The following JARID2 variants were observed in gnomAD, a reference collection of about 807,000 sequenced individuals.
JARID2 encodes jumonji and AT-rich interaction domain containing 2, also known as protein Jumonji.
JARID2 carries 21 observed loss-of-function variants against 125.6 expected under a neutral mutation model. The ratio of observed to expected loss-of-function variants is 0.17; its 90% CI spans 0.12 to 0.24. JARID2 has a LOEUF of 0.24. Ranked by LOEUF, JARID2 falls within the 10% of genes least tolerant of loss-of-function variation. The pLI, the probability that JARID2 is intolerant of heterozygous loss-of-function variation, is 1.00. For missense variants in JARID2, 1,303 were observed against 1,639.6 expected, an observed-to-expected ratio of 0.79 and a Z score of 3.55; for synonymous variants, 736 against 661.6, an observed-to-expected ratio of 1.11 and a Z score of -1.73.
At chr6:15,326,467 A>C (rs1762537447) in intron 1 of JARID2, among the ~76,000 whole-genome samples, 1 of 152,190 alleles carries the variant, frequency 6.6e-6, no homozygotes, top group Non-Finnish European at 1.5e-5. Context: ...CTGAGGTTAC[A>C]GGAGTGAGCC....
chr6:15,402,933 G>A (rs1765494845), intron 2 of JARID2, among the ~76,000 whole-genome samples: 1 of 152,180 alleles, frequency 6.6e-6, no homozygotes, highest in Non-Finnish European at 1.5e-5. Context: ...CTGGGATAGA[G>A]TAGTCATGGG....
At chr6:15,318,566 A>T (rs1762252602) in intron 1 of JARID2, among the ~76,000 whole-genome samples, 2 of 152,214 alleles carry the variant, frequency 1.3e-5, no homozygotes, top group South Asian at 4.1e-4. Flanking sequence ...GTGAGTGAGC[A>T]GGCTGGGAAC....
chr6:15,428,032 C>G (rs1229300340), intron 3 of JARID2, among the ~76,000 whole-genome samples: 6 of 152,150 alleles, frequency 3.9e-5, no homozygotes, highest in Non-Finnish European at 8.8e-5. Flanking sequence ...TGTTCCCTCA[C>G]TGCCTCCCTC....
intron 1 of JARID2, among the ~76,000 whole-genome samples, chr6:15,319,458 T>C (rs931646037): frequency 9.2e-5 from 14 of 152,184 alleles, no homozygotes; most frequent in Admixed American, 2.6e-4. Context: ...AGTCCAGTGG[T>C]GTGATCTCAG....
At chr6:15,345,867 C>G (rs181135848) in intron 1 of JARID2, among the ~76,000 whole-genome samples, 2 of 152,280 alleles carry the variant, frequency 1.3e-5, no homozygotes, top group East Asian at 1.9e-4. Flanking sequence ...ACTGATGAAG[C>G]CTTGGGAAGG....
rs186778070 is a variant in JARID2, at chr6:15,331,769, G to A, written c.46-42348G>A. On this transcript the variant is annotated intron_variant, in intron 1 of 17. Coordinates refer to ENST00000341776, the MANE Select transcript of JARID2 (RefSeq NM_004973.4). ...CAGGAGGTGGAGGTTGCAGTGAGCC[G>A]AGATTGTGCCATTGCACTCCAGCCT... Among the ~76,000 whole-genome samples the A allele has an allele frequency of 9.2e-3, 1,396 of 151,780 alleles. 12 individuals carry two copies. The highest frequency in any genetic ancestry group is 0.024 in the Middle Eastern group (7 of 290).
intron 5 of JARID2, among the ~76,000 whole-genome samples, chr6:15,485,022 G>C (rs1769799337): frequency 6.6e-6 from 1 of 152,182 alleles, no homozygotes; most frequent in South Asian, 2.1e-4. Flanking sequence ...TTGAAAGCTA[G>C]CACAGATACT....
At chr6:15,495,429 C>T (rs1282488032) in intron 6 of JARID2, among the ~76,000 whole-genome samples, 4 of 152,116 alleles carry the variant, frequency 2.6e-5, no homozygotes, top group African/African-American at 4.8e-5. Flanking sequence ...ACAGTGAGGT[C>T]GGGGCATCCC....
chr6:15,353,660 T>A (rs927976996), intron 1 of JARID2, among the ~76,000 whole-genome samples: 5 of 152,196 alleles, frequency 3.3e-5, no homozygotes, highest in African/African-American at 1.2e-4. Flanking sequence ...CATGTTTCTC[T>A]TTATTGAGAA....
At chr6:15,394,633 C>T (rs1435842032) in intron 2 of JARID2, among the ~76,000 whole-genome samples, 2 of 152,156 alleles carry the variant, frequency 1.3e-5, no homozygotes, top group Non-Finnish European at 2.9e-5. Flanking sequence ...ACTAAATCTT[C>T]TTCTTGAAGA....
At chr6:15,478,845 C>T (rs573626412) in intron 5 of JARID2, among the ~76,000 whole-genome samples, 3 of 151,932 alleles carry the variant, frequency 2.0e-5, no homozygotes, top group Admixed American at 2.0e-4. Context: ...AATTTTTCTA[C>T]TTTTAGTAGA....
intron 2 of JARID2, among the ~76,000 whole-genome samples, chr6:15,390,262 T>A (rs1292301141): frequency 6.6e-6 from 1 of 152,208 alleles, no homozygotes; most frequent in Non-Finnish European, 1.5e-5. Flanking sequence ...CTGAGCTGTC[T>A]GACTGCAGAG....
In JARID2 at chr6:15,424,800, G is replaced by A. The variant is rs181807499; in HGVS notation, c.323+14435G>A. On this transcript the variant is annotated intron_variant, in intron 3 of 17. Coordinates refer to ENST00000341776, the MANE Select transcript of JARID2 (RefSeq NM_004973.4). ...CTTGAACCAAGGAGGCGGAGGTTGCGGTGAGCTGAGATCGTGCCATTGCAC... is the reference window on the plus strand; with the variant it reads ...CTTGAACCAAGGAGGCGGAGGTTGCAGTGAGCTGAGATCGTGCCATTGCAC... Among the ~76,000 whole-genome samples the A allele has an allele frequency of 6.3e-3, 953 of 152,166 alleles. 22 individuals carry two copies. Among genetic ancestry groups the A allele is most frequent in the Non-Finnish European group, 3.2e-3 (217 of 68,000 alleles).
chr6:15,486,259 G>A (rs1036938668), intron 5 of JARID2, among the ~76,000 whole-genome samples: 7 of 152,218 alleles, frequency 4.6e-5, no homozygotes, highest in Admixed American at 2.6e-4. Flanking sequence ...TGAAAGTCTC[G>A]TTTATTCCAT....
rs543636683 is a variant in JARID2, at chr6:15,359,445, G to A, written c.46-14672G>A. 8.3e-4 allele frequency among the ~76,000 whole-genome samples: 126 copies of A among 152,122 alleles called. 1 individual carries two copies. The highest frequency in any genetic ancestry group is 2.9e-3 in the African/African-American group (122 of 41,494). ...TGCCACACACATATTTTTGATTTGC[G>A]GCCGCCTGAAACCTGAATAGTCTTG... On this transcript the variant is annotated intron_variant, in intron 1 of 17. Transcript: ENST00000341776.
At chr6:15,351,117 C>T (rs1342723982) in intron 1 of JARID2, among the ~76,000 whole-genome samples, 5 of 152,040 alleles carry the variant, frequency 3.3e-5, no homozygotes, top group Non-Finnish European at 7.4e-5. Context: ...TTTTGGTTAA[C>T]GAAGAGGATG....
intron 5 of JARID2, among the ~76,000 whole-genome samples, chr6:15,470,480 A>G (rs1051093802): frequency 1.1e-4 from 16 of 152,230 alleles, no homozygotes; most frequent in African/African-American, 3.4e-4. Flanking sequence ...TAGCTTAGAC[A>G]TGATTGAAAT....
At chr6:15,253,929 G>C (rs941506990) in intron 1 of JARID2, among the ~76,000 whole-genome samples, 19 of 152,170 alleles carry the variant, frequency 1.2e-4, no homozygotes, top group African/African-American at 4.6e-4. Context: ...TTCTGAATTT[G>C]CTCCCCCCTT....
chr6:15,511,951 C>A lies in JARID2; in HGVS notation c.2953-257C>A, dbSNP rs578193317. Among the ~76,000 whole-genome samples the A allele has an allele frequency of 1.1e-4, 16 of 152,320 alleles. 1 individual carries two copies. Among genetic ancestry groups the A allele is most frequent in the African/African-American group, 3.4e-4 (14 of 41,584 alleles). ...TTGTGTAACCTTGTCCTGTTTCCAG[C>A]CCTGGCATTGCCACGTGGGGACAGA... is the stretch of plus-strand genomic sequence containing the variant. On this transcript the variant is annotated intron_variant, in intron 13 of 17. Coordinates refer to ENST00000341776, the MANE Select transcript of JARID2 (RefSeq NM_004973.4).
Sources: gnomAD v4.1 joint callset for allele counts (sites outside exome capture counted in the v4.1 genomes callset) on GRCh38, gnomAD v4.1.1 for gene constraint, MANE v1.5 for transcripts, NCBI Gene and HGNC (gene_info 2026-07-23, HGNC 2026-07-21) for gene names.